Variants in ADGRV1 observed in about 807,000 individuals in gnomAD.
The protein encoded by ADGRV1 is G-protein coupled receptor 98.
Under a neutral mutation model 596.2 loss-of-function variants are expected in ADGRV1, and 359 were observed. The ratio of observed to expected loss-of-function variants is 0.60; its 90% confidence interval spans 0.55 to 0.66. The LOEUF is 0.66. ADGRV1 is among the 30% of genes least tolerant of loss of function. The pLI is 0.00. For synonymous variants in ADGRV1, 2,681 were observed against 2,679.2 expected, an observed-to-expected ratio of 1.00 and a Z score of -0.02; for missense variants, 7,274 against 7,575.6, an observed-to-expected ratio of 0.96 and a Z score of 1.48.
intron 86 of ADGRV1, among the ~76,000 whole-genome samples, chr5:91,075,808 A>C (rs1788806411): frequency 6.8e-6 from 1 of 147,322 alleles, no homozygotes; most frequent in African/African-American, 2.7e-5. Context: ...CATTGCCCCA[A>C]AAAAAAGTCC....
intron 21 of ADGRV1, among the ~76,000 whole-genome samples, chr5:90,663,123 A>C (rs988624071): frequency 1.3e-5 from 2 of 149,962 alleles, no homozygotes; most frequent in African/African-American, 4.9e-5. Flanking sequence ...TTGGGTATAT[A>C]CCCAGTAATG....
chr5:90,730,614 G>A, intron 50 of ADGRV1, among the ~76,000 whole-genome samples: 1 of 152,150 alleles, frequency 6.6e-6, no homozygotes. Flanking sequence ...AAACAAAGTC[G>A]ATTGGAGAGA....
intron 1 of ADGRV1, among the ~76,000 whole-genome samples, chr5:90,597,452 A>C (rs1760835064): frequency 6.6e-6 from 1 of 152,260 alleles, no homozygotes; most frequent in Non-Finnish European, 1.5e-5. Flanking sequence ...TTCTAACAGA[A>C]TTCTTTCATC....
At chr5:91,044,230 A>G (rs1480231635) in intron 85 of ADGRV1, among the ~76,000 whole-genome samples, 1 of 152,162 alleles carries the variant, frequency 6.6e-6, no homozygotes, top group Non-Finnish European at 1.5e-5. Flanking sequence ...AGCTCATATG[A>G]AACACTTAAG....
In ADGRV1 at chr5:90,788,319, G is replaced by A. The variant is rs1759701496; in HGVS notation, c.13893+9G>A. On this transcript the variant is annotated intron_variant, in intron 68 of 89. Transcript: ENST00000405460. ...AAGATGTTACATTAACCGTATGTAT[G>A]GCTTTATTTTTCTCACAAAATGTGG... is the stretch of plus-strand genomic sequence containing the variant. 1.9e-6 allele frequency: 3 copies of A among 1,578,932 alleles called. No homozygotes were observed. The highest frequency in any genetic ancestry group is 1.4e-5 in the African/African-American group (1 of 73,812).
intron 85 of ADGRV1, among the ~76,000 whole-genome samples, chr5:90,994,324 A>G (rs1320995636): frequency 1.3e-5 from 2 of 151,936 alleles, no homozygotes; most frequent in African/African-American, 4.8e-5. Context: ...CTGCCTCCCA[A>G]AGTGCTGGGA....
intron 57 of ADGRV1, among the ~76,000 whole-genome samples, chr5:90,758,292 C>T (rs2438350): frequency 0.38 from 57,575 of 151,826 alleles, 11,902 homozygotes; most frequent in Admixed American, 0.54. Context: ...GAGATTGCAC[C>T]ACTGCACTCC....
At chr5:90,759,375 C>T in intron 57 of ADGRV1, 34 bp from the exon 58 acceptor site, 2 of 1,382,332 alleles carry the variant, frequency 1.4e-6, no homozygotes, top group South Asian at 1.3e-5. Context: ...TCTTTTCCTC[C>T]CTCTCTTTCT....
chr5:90,757,230 T>C (rs895652143), intron 57 of ADGRV1, 69 bp downstream of exon 57: 2 of 1,281,630 alleles, frequency 1.6e-6, no homozygotes, highest in Non-Finnish European at 1.1e-6. Context: ...ATCCATCAAA[T>C]GAATGTACAT....
intron 1 of ADGRV1, among the ~76,000 whole-genome samples, chr5:90,606,982 T>C (rs1762180556): frequency 6.6e-6 from 1 of 152,216 alleles, no homozygotes; most frequent in Non-Finnish European, 1.5e-5. Flanking sequence ...GGAATTATCA[T>C]GATATTATCC....
In ADGRV1 at chr5:91,138,078, C is replaced by G. The variant is rs375202435; in HGVS notation, c.18433-11952C>G. Among the ~76,000 whole-genome samples the G allele has an allele frequency of 2.4e-4, 37 of 152,210 alleles. 1 individual carries two copies. In the East Asian group the frequency reaches 4.1e-3, roughly 17 times the overall value. On this transcript the variant is annotated intron_variant, in intron 87 of 89. Coordinates refer to ENST00000405460, the MANE Select transcript of ADGRV1 (RefSeq NM_032119.4). Reference sequence around the variant, plus strand: ...GATGCTAATAAAAATGCTGAGACAACAGGCTAACCCAAGAATCCCACTCAA... The same window carrying G: ...GATGCTAATAAAAATGCTGAGACAAGAGGCTAACCCAAGAATCCCACTCAA...
chr5:90,712,411 T>C lies in ADGRV1; in HGVS notation c.9167T>C (p.Leu3056Pro). 1.9e-6 allele frequency: 3 copies of C among 1,588,660 alleles called. No individual in the cohort carries two copies. The highest frequency in any genetic ancestry group is 2.6e-6 in the Non-Finnish European group (3 of 1,164,840). Residue 3056 changes from leucine to proline, a missense_variant, in exon 42 of 90, where the codon CTA becomes CCA. Leu to Pro is a moderately conservative substitution (Grantham distance 98, BLOSUM62 -3). Coordinates refer to ENST00000405460, the MANE Select transcript of ADGRV1 (RefSeq NM_032119.4). The stretch of plus-strand genomic sequence containing the variant: ...ACAAATCCTTCTCCTGGACTAGAGC[T>C]AGGGAAAAATACAATAGGTAATTAA... ...ILTNPSPGLELGKNTIALIIV... is the reference protein window; with the variant it reads ...ILTNPSPGLEPGKNTIALIIV...
At chr5:91,111,101 G>A (rs2126693234) in intron 87 of ADGRV1, among the ~76,000 whole-genome samples, 1 of 152,254 alleles carries the variant, frequency 6.6e-6, no homozygotes, top group African/African-American at 2.4e-5. Flanking sequence ...GGAAATAAGT[G>A]ATTGAAAGAT....
At chr5:91,036,030 A>T (rs1205772685) in intron 85 of ADGRV1, among the ~76,000 whole-genome samples, 1 of 151,470 alleles carries the variant, frequency 6.6e-6, no homozygotes, top group Non-Finnish European at 1.5e-5. Context: ...TAGATATGTG[A>T]TGTTAAAAAT....
In ADGRV1 at chr5:90,614,833, A is replaced by G; in HGVS notation, c.23-2A>G. ...AATAATATTTTTTTCTTTTTGTTTT[A>G]GGGATGCCCTCTGCATCTTTATTAG... On this transcript the variant is annotated splice_acceptor_variant, in intron 1 of 89. Transcript: ENST00000405460. LOFTEE classifies it high-confidence loss of function. 1 of 1,601,678 alleles carries G rather than the reference A, an allele frequency of 6.2e-7. No individual in the cohort carries two copies. Among genetic ancestry groups the G allele is most frequent in the South Asian group, 1.1e-5 (1 of 90,378 alleles).
Position 90,645,471 on chromosome 5 carries a change from GA to G in ADGRV1, c.2899-494del, listed in dbSNP as rs1254368661. Among the ~76,000 whole-genome samples the G allele has an allele frequency of 2.0e-5, 3 of 152,136 alleles. No individual in the cohort carries two copies. In the East Asian group the frequency reaches 5.8e-4, roughly 29 times the overall value. ...CCACCTGGGGATCCATTTAGGCTCA[GA>G]AATGTGGGGAATCAAATCTTGTTAG... is the stretch of plus-strand genomic sequence containing the variant. On this transcript the variant is annotated intron_variant, in intron 15 of 89. Transcript: ENST00000405460.
chr5:90,707,332 T>C (rs963732673), intron 38 of ADGRV1, among the ~76,000 whole-genome samples: 3 of 152,044 alleles, frequency 2.0e-5, no homozygotes, highest in Non-Finnish European at 4.4e-5. Flanking sequence ...GTGTGTAGGA[T>C]AGGGGAAGGG....
At chr5:90,999,601 A>G (rs1781700482) in intron 85 of ADGRV1, among the ~76,000 whole-genome samples, 1 of 152,086 alleles carries the variant, frequency 6.6e-6, no homozygotes, top group Admixed American at 6.6e-5. Context: ...ATGAGATCAC[A>G]TTTCATCTTT....
At chr5:90,665,726 T>C (rs1250760752) in intron 21 of ADGRV1, among the ~76,000 whole-genome samples, 2 of 149,684 alleles carry the variant, frequency 1.3e-5, no homozygotes, top group African/African-American at 2.5e-5. Context: ...TTTTGGATCT[T>C]TCCTGCTTTC....
Sources: gnomAD v4.1 joint callset for allele counts (sites outside exome capture counted in the v4.1 genomes callset) on GRCh38, gnomAD v4.1.1 for gene constraint, MANE v1.5 for transcripts, NCBI Gene and HGNC (gene_info 2026-07-23, HGNC 2026-07-21) for gene names.